Variants in DLGAP1 observed in about 807,000 individuals in gnomAD.
DLGAP1 encodes the protein DLG associated protein 1.
A neutral mutation model predicts 90.8 loss-of-function variants in DLGAP1; 11 were observed. That is an observed-to-expected ratio of 0.12 (90% CI 0.08 to 0.20). The LOEUF is 0.20. DLGAP1 is among the 10% of genes least tolerant of loss of function. The pLI is 1.00. For synonymous variants in DLGAP1, 558 were observed against 540.7 expected (o/e 1.03, Z -0.44); for missense variants, 1,050 against 1,333.8 (o/e 0.79, Z 3.31).
chr18:4,010,320 G>A (rs945295074), intron 2 of DLGAP1, among the ~76,000 whole-genome samples: 2 of 152,018 alleles, frequency 1.3e-5, no homozygotes, highest in Admixed American at 6.5e-5. Context: ...CAAGGCAGGA[G>A]GATTGCTAGA....
At position 4,191,608 on chromosome 18, in the gene DLGAP1, C is replaced by A. The variant is rs141929409; in HGVS notation, c.-266-40321G>T. 1.8e-3 allele frequency among the ~76,000 whole-genome samples: 271 copies of A among 152,274 alleles called. 1 individual carries two copies. Among genetic ancestry groups the A allele is most frequent in the Admixed American group, 0.012 (182 of 15,282 alleles). ...TGATCTCACCTAAGCACAATCTGATCCATCACATTTGTGTCAAAATCCTCC... is the reference window on the plus strand; with the variant it reads ...TGATCTCACCTAAGCACAATCTGATACATCACATTTGTGTCAAAATCCTCC... On this transcript the variant is annotated intron_variant, in intron 1 of 12. Transcript: ENST00000315677.
intron 3 of DLGAP1, among the ~76,000 whole-genome samples, chr18:3,991,825 T>G (rs547591473): frequency 6.6e-6 from 1 of 152,378 alleles, no homozygotes; most frequent in African/African-American, 2.4e-5. Flanking sequence ...AGCTGTTGCT[T>G]ATCCCATTGT....
At chr18:3,671,907 T>C (rs559167152) in intron 7 of DLGAP1, among the ~76,000 whole-genome samples, 1 of 152,304 alleles carries the variant, frequency 6.6e-6, no homozygotes, top group East Asian at 1.9e-4. Flanking sequence ...GAAATGATCA[T>C]ATTTCACTCA....
chr18:3,628,025 C>T (rs759871022), intron 7 of DLGAP1, among the ~76,000 whole-genome samples: 13 of 150,922 alleles, frequency 8.6e-5, no homozygotes, highest in African/African-American at 1.7e-4. Context: ...ATTACAGGCG[C>T]GCACCACACC....
Position 3,772,219 on chromosome 18 carries a change from TC to T in DLGAP1, c.1173-29708del, listed in dbSNP as rs1375032488. Reference sequence around the variant, plus strand: ...CTCTTCTTCTCTCCTTTTCTTTCTCTCTTTCTTTTCTTTCTCTCCTTCCTTC... The same window carrying T: ...CTCTTCTTCTCTCCTTTTCTTTCTCTTTTCTTTTCTTTCTCTCCTTCCTTC... On this transcript the variant is annotated intron_variant, in intron 5 of 12. Transcript: ENST00000315677. Among the ~76,000 whole-genome samples, 622 of 150,794 alleles carry T rather than the reference TC, an allele frequency of 4.1e-3. 8 individuals carry two copies. Among genetic ancestry groups the T allele is most frequent in the African/African-American group, 0.014 (593 of 40,940 alleles).
intron 8 of DLGAP1, among the ~76,000 whole-genome samples, chr18:3,573,861 C>A (rs957128998): frequency 6.6e-6 from 1 of 152,148 alleles, no homozygotes; most frequent in African/African-American, 2.4e-5. Flanking sequence ...CCAGCACGCA[C>A]GACTAATTTT....
chr18:3,583,184 ACCTTCCTTCCTT>A (rs1194711711), intron 7 of DLGAP1, among the ~76,000 whole-genome samples: 2 of 127,704 alleles, frequency 1.6e-5, no homozygotes, highest in South Asian at 2.6e-4. Context: ...CTACCTACCT[ACCTTCCTTCCTT>A]CCTTCCTTCC....
At chr18:3,844,542 C>CAG (rs1213185794) in intron 4 of DLGAP1, among the ~76,000 whole-genome samples, 2 of 152,166 alleles carry the variant, frequency 1.3e-5, no homozygotes, top group Admixed American at 6.6e-5. Flanking sequence ...ATAGAAGTCT[C>CAG]AGAGAGAGCT....
intron 1 of DLGAP1, among the ~76,000 whole-genome samples, chr18:4,206,151 T>A (rs186345615): frequency 2.5e-4 from 38 of 152,218 alleles, no homozygotes; most frequent in African/African-American, 8.2e-4. Flanking sequence ...TTTTGACCTG[T>A]TGGGTTGGAG....
chr18:4,396,808 G>C (rs1199907805), intron 1 of DLGAP1, among the ~76,000 whole-genome samples: 1 of 152,208 alleles, frequency 6.6e-6, no homozygotes, highest in African/African-American at 2.4e-5. Flanking sequence ...AGTGTCTGTG[G>C]TTCACTGAAT....
chr18:4,257,703 C>A (rs1470207600), intron 1 of DLGAP1, among the ~76,000 whole-genome samples: 1 of 149,432 alleles, frequency 6.7e-6, no homozygotes, highest in African/African-American at 2.5e-5. Flanking sequence ...TGGCTCACTG[C>A]AACCTCCACC....
At chr18:4,067,751 G>A (rs893462826) in intron 2 of DLGAP1, among the ~76,000 whole-genome samples, 3 of 151,944 alleles carry the variant, frequency 2.0e-5, no homozygotes, top group African/African-American at 7.3e-5. Context: ...ACCCCTTCAA[G>A]CAATTGCCAA....
At chr18:4,303,923 C>T (rs1294054420) in intron 1 of DLGAP1, among the ~76,000 whole-genome samples, 1 of 152,120 alleles carries the variant, frequency 6.6e-6, no homozygotes, top group Non-Finnish European at 1.5e-5. Flanking sequence ...TTGAAAAGTG[C>T]TCAAGAGAAG....
chr18:3,876,467 C>A (rs2071007935), intron 4 of DLGAP1, among the ~76,000 whole-genome samples: 1 of 152,144 alleles, frequency 6.6e-6, no homozygotes, highest in Non-Finnish European at 1.5e-5. Flanking sequence ...TAAGGATTAA[C>A]TTGGAGTTTA....
intron 1 of DLGAP1, among the ~76,000 whole-genome samples, chr18:4,371,757 A>C (rs929925195): frequency 1.3e-5 from 2 of 152,212 alleles, no homozygotes; most frequent in Non-Finnish European, 2.9e-5. Context: ...AAAAAGGCAA[A>C]GTCAGCTTTC....
intron 3 of DLGAP1, among the ~76,000 whole-genome samples, chr18:3,926,684 G>A (rs1057126253): frequency 3.3e-5 from 5 of 151,948 alleles, no homozygotes; most frequent in African/African-American, 2.4e-5. Flanking sequence ...AGAGAGAGAT[G>A]TGTCTGCATG....
chr18:3,637,753 T>TA (rs899195096), intron 7 of DLGAP1, among the ~76,000 whole-genome samples: 7 of 149,000 alleles, frequency 4.7e-5, no homozygotes, highest in African/African-American at 9.9e-5. Context: ...TCTCAAAAAT[T>TA]AAAAAAAAAA....
intron 1 of DLGAP1, among the ~76,000 whole-genome samples, chr18:4,338,601 C>T (rs942449886): frequency 3.9e-5 from 6 of 152,146 alleles, no homozygotes; most frequent in African/African-American, 1.4e-4. Flanking sequence ...ATAGACAGTT[C>T]TCTCTAGGAG....
chr18:4,349,732 A>G (rs505008), intron 1 of DLGAP1, among the ~76,000 whole-genome samples: 2,133 of 152,150 alleles, frequency 0.014, 18 homozygotes, highest in Non-Finnish European at 0.017. Context: ...GATAACATGA[A>G]TTGGTAGTGA....
Sources: gnomAD v4.1 joint callset for allele counts (sites outside exome capture counted in the v4.1 genomes callset) on GRCh38, gnomAD v4.1.1 for gene constraint, MANE v1.5 for transcripts, NCBI Gene and HGNC (gene_info 2026-07-23, HGNC 2026-07-21) for gene names.